EPM2A: variants seen among roughly 807,000 people sequenced by gnomAD.
EPM2A encodes the protein laforin.
A neutral mutation model predicts 26.5 loss-of-function variants in EPM2A; 21 were observed. The observed-to-expected ratio is 0.79, with a 90% CI of 0.56 to 1.14. The LOEUF (loss-of-function observed/expected upper bound fraction) is 1.14, where lower values mean the gene tolerates loss of function less well. EPM2A is among the 50% of genes most tolerant of loss of function. The pLI is 0.00. For synonymous variants in EPM2A, 217 were observed against 177.6 expected, an observed-to-expected ratio of 1.22 and a Z score of -1.76; for missense variants, 458 against 440.8, an observed-to-expected ratio of 1.04 and a Z score of -0.35.
intron 2 of EPM2A, among the ~76,000 whole-genome samples, chr6:145,571,200 G>T (rs898865679): frequency 2.0e-5 from 3 of 152,052 alleles, no homozygotes; most frequent in African/African-American, 7.2e-5. Flanking sequence ...TCCATATATT[G>T]GATGCTGATT....
In EPM2A at chr6:145,678,699, G is replaced by A. The variant is rs188008879; in HGVS notation, c.476+7423C>T. Among the ~76,000 whole-genome samples, 751 of 152,284 alleles carry A rather than the reference G, an allele frequency of 4.9e-3. 6 individuals are homozygous for A. The highest frequency in any genetic ancestry group is 0.015 in the African/African-American group (615 of 41,544). ...GAAATACAAATCAAAACCACAATGAGATACCATCTCACGCCAGTTAGAATA... is the reference window on the plus strand; with the variant it reads ...GAAATACAAATCAAAACCACAATGAAATACCATCTCACGCCAGTTAGAATA... On this transcript the variant is annotated intron_variant, in intron 2 of 3. Transcript: ENST00000367519.
At chr6:145,478,291 T>C (rs1434279266) in intron 4 of EPM2A, among the ~76,000 whole-genome samples, 2 of 151,816 alleles carry the variant, frequency 1.3e-5, no homozygotes, top group East Asian at 3.9e-4. Flanking sequence ...CCAAAAAAAA[T>C]GGAAAAATAT....
At chr6:145,645,332 G>A (rs529821457) in intron 2 of EPM2A, among the ~76,000 whole-genome samples, 2 of 152,198 alleles carry the variant, frequency 1.3e-5, no homozygotes, top group South Asian at 4.2e-4. Flanking sequence ...TTATGAGACA[G>A]GGGTCCCTTT....
Position 145,604,960 on chromosome 6 carries a change from T to C in EPM2A, c.340+30285A>G, listed in dbSNP as rs142404401. Among the ~76,000 whole-genome samples, 260 of 152,192 alleles carry C rather than the reference T, an allele frequency of 1.7e-3. 1 individual carries two copies. Among genetic ancestry groups the C allele is most frequent in the African/African-American group, 6.2e-3 (256 of 41,548 alleles). On this transcript the variant is annotated intron_variant, in intron 2 of 3. Coordinates refer to the EPM2A transcript ENST00000450221. ...GATGGTTTGCTAAAAAGATCTAACA[T>C]TGAAAAACACTAACAGGGACCATGA...
At position 145,475,994 on chromosome 6, in the gene EPM2A, G is replaced by A. The variant is rs569514858; in HGVS notation, c.555+26528C>T. Among the ~76,000 whole-genome samples, 6 of 151,904 alleles carry A rather than the reference G, an allele frequency of 3.9e-5. No homozygotes were observed. In the South Asian group the frequency reaches 1.2e-3, roughly 32 times the overall value. ...TCAAAAGACAGAGACTGGTGAAATG[G>A]ATGAAAAAACAAGAGCCATTGATAC... On this transcript the variant is annotated intron_variant, in intron 4 of 4. Coordinates refer to the EPM2A transcript ENST00000638717.
chr6:145,620,346 C>T (rs1775606818), downstream of EPM2A, among the ~76,000 whole-genome samples: 1 of 152,094 alleles, frequency 6.6e-6, no homozygotes, highest in Admixed American at 6.5e-5. Context: ...TGACAGGAGG[C>T]AGAGCTCAGG....
intron 2 of EPM2A, among the ~76,000 whole-genome samples, chr6:145,668,837 T>C (rs1779433773): frequency 6.6e-6 from 1 of 152,234 alleles, no homozygotes; most frequent in Non-Finnish European, 1.5e-5. Flanking sequence ...TAAAATCTAC[T>C]TCCTATTTTC....
downstream of EPM2A, among the ~76,000 whole-genome samples, chr6:145,497,387 G>C (rs1276278530): frequency 6.6e-6 from 1 of 152,188 alleles, no homozygotes. Context: ...CTGCAAAACA[G>C]CAAAGTGGCA....
intron 4 of EPM2A, among the ~76,000 whole-genome samples, chr6:145,455,264 T>G (rs1396515429): frequency 6.6e-6 from 1 of 150,928 alleles, no homozygotes; most frequent in African/African-American, 2.4e-5. Flanking sequence ...TATATATTCA[T>G]AAGTGAATAA....
At chr6:145,620,049 A>G (rs922962658) in intron 2 of EPM2A, among the ~76,000 whole-genome samples, 1 of 152,238 alleles carries the variant, frequency 6.6e-6, no homozygotes, top group African/African-American at 2.4e-5. Flanking sequence ...ACCAGTCTAT[A>G]AAGAATGAGG....
At chr6:145,410,029 G>T (rs750900069) in intron 4 of EPM2A, among the ~76,000 whole-genome samples, 5 of 152,136 alleles carry the variant, frequency 3.3e-5, no homozygotes, top group Non-Finnish European at 7.4e-5. Context: ...TGGCCCCAAA[G>T]GTCAGCCTTG....
intron 4 of EPM2A, among the ~76,000 whole-genome samples, chr6:145,482,445 G>C (rs1162047100): frequency 6.6e-6 from 1 of 152,012 alleles, no homozygotes; most frequent in African/African-American, 2.4e-5. Context: ...ACAGCATGTA[G>C]GTGACAATAA....
chr6:145,567,985 A>G (rs1780906217), intron 2 of EPM2A, among the ~76,000 whole-genome samples: 1 of 152,160 alleles, frequency 6.6e-6, no homozygotes, highest in Non-Finnish European at 1.5e-5. Flanking sequence ...AGCCATTTAC[A>G]ATTCCTGTTT....
intron 2 of EPM2A, among the ~76,000 whole-genome samples, chr6:145,673,490 T>C (rs1779800596): frequency 6.6e-6 from 1 of 152,170 alleles, no homozygotes; most frequent in South Asian, 2.1e-4. Flanking sequence ...ACTCAGGAAG[T>C]GCAAGGGGTA....
chr6:145,671,297 T>C (rs1779622285), intron 2 of EPM2A: 4 of 1,041,354 alleles, frequency 3.8e-6, no homozygotes, highest in Non-Finnish European at 4.6e-6. Flanking sequence ...ATATAGCTGC[T>C]GTAGAGCTGG....
intron 1 of EPM2A, among the ~76,000 whole-genome samples, chr6:145,717,337 C>T (rs1464147342): frequency 6.6e-6 from 1 of 152,102 alleles, no homozygotes; most frequent in Non-Finnish European, 1.5e-5. Flanking sequence ...AAATGTAATC[C>T]AGCACATAAA....
intron 4 of EPM2A, among the ~76,000 whole-genome samples, chr6:145,417,838 A>G (rs1448428062): frequency 6.6e-6 from 1 of 152,058 alleles, no homozygotes; most frequent in Non-Finnish European, 1.5e-5. Context: ...GTGTATGGCT[A>G]TATTTCCACA....
chr6:145,612,726 ATATAT>A (rs1200614632), intron 2 of EPM2A, among the ~76,000 whole-genome samples: 115 of 148,040 alleles, frequency 7.8e-4, no homozygotes, highest in African/African-American at 2.6e-3. Context: ...TATATATTAT[ATATAT>A]TATATTATAT....
chr6:145,505,364 C>T (rs993474381), intron 2 of EPM2A, among the ~76,000 whole-genome samples: 6 of 151,758 alleles, frequency 4.0e-5, no homozygotes, highest in East Asian at 1.9e-4. Flanking sequence ...CATATATGTG[C>T]TTTATTTTTC....
Sources: gnomAD v4.1 joint callset for allele counts (sites outside exome capture counted in the v4.1 genomes callset) on GRCh38, gnomAD v4.1.1 for gene constraint, MANE v1.5 for transcripts, NCBI Gene and HGNC (gene_info 2026-07-23, HGNC 2026-07-21) for gene names.